Variants in CD1B observed in about 807,000 individuals in gnomAD.
CD1B encodes CD1b molecule.
A neutral mutation model predicts 39.8 loss-of-function variants in CD1B; 43 were observed. That is an observed-to-expected ratio of 1.08 (90% CI 0.85 to 1.39). The LOEUF (loss-of-function observed/expected upper bound fraction) is 1.39, where lower values mean the gene tolerates loss of function less well. CD1B is among the 40% of genes most tolerant of loss of function. The pLI is 0.00. For missense variants in CD1B, 495 were observed against 403.8 expected (o/e 1.23, Z -1.94); for synonymous variants, 192 against 152.5 (o/e 1.26, Z -1.91).
chr1:158,291,072 C>A, the CD1B span: 1 of 1,524,838 alleles, frequency 6.6e-7, no homozygotes, highest in African/African-American at 1.4e-5. Context: ...ATTTTCTCTC[C>A]ATTTTCCTTG....
At chr1:158,291,430 T>G in the CD1B span, 1 of 1,602,340 alleles carries the variant, frequency 6.2e-7, no homozygotes, top group East Asian at 2.2e-5. Context: ...TTATGGGAGT[T>G]CTTTAGAATG....
chr1:158,331,393 C>G lies in CD1B; in HGVS notation c.31G>C (p.Val11Leu), dbSNP rs752184874. 25 of 1,613,942 alleles carry G rather than the reference C, an allele frequency of 1.5e-5. No homozygotes were observed. Among genetic ancestry groups the G allele is most frequent in the Non-Finnish European group, 1.9e-5 (23 of 1,179,950 alleles). Residue 11 changes from valine (V) to leucine (L), a missense_variant, in exon 1 of 6, where the codon GTT becomes CTT. Val to Leu is a conservative substitution (Grantham distance 32, BLOSUM62 1). Transcript: ENST00000368168. MLLLPFQLLA[V>L]LFPGGNSEHA... The stretch of plus-strand genomic sequence containing the variant: ...TCACTGTTACCACCAGGAAAGAGAA[C>G]AGCTAACAGTTGAAATGGCAGCAGC...
chr1:158,322,243 T>C, the CD1B span, among the ~76,000 whole-genome samples: 1 of 152,148 alleles, frequency 6.6e-6, no homozygotes. Flanking sequence ...CCTACATTTA[T>C]TCATTTATTT....
At position 158,330,120 on chromosome 1, in the gene CD1B, C is replaced by T; in HGVS notation, c.339G>A (p.Glu113=). Residue 113 remains glutamate, a synonymous_variant, in exon 3 of 6, where the codon GAG becomes GAA. Coordinates refer to ENST00000368168, the MANE Select transcript of CD1B (RefSeq NM_001764.3). ...AGDFQMKYPF[E]IQGIAGCELH... ...GCTCACAGCCTGCTATGCCCTGGAT[C>T]TCAAAGGGGTCTATGTAGAGGGAAA... is the stretch of plus-strand genomic sequence containing the variant. The T allele has an allele frequency of 6.2e-7, 1 of 1,612,548 alleles. No individual in the cohort carries two copies. Among genetic ancestry groups the T allele is most frequent in the African/African-American group, 1.3e-5 (1 of 74,830 alleles).
chr1:158,320,441 C>A, the CD1B span, among the ~76,000 whole-genome samples: 4 of 152,188 alleles, frequency 2.6e-5, no homozygotes, highest in African/African-American at 7.2e-5. Context: ...TCCGTCACCC[C>A]TTTCTTTGAC....
the CD1B span, among the ~76,000 whole-genome samples, chr1:158,306,497 C>T: frequency 6.6e-5 from 10 of 152,270 alleles, no homozygotes; most frequent in Admixed American, 1.3e-4. Flanking sequence ...TTTAACACCC[C>T]ACTGTCAACA....
chr1:158,296,006 TA>T, the CD1B span, among the ~76,000 whole-genome samples: 1 of 152,206 alleles, frequency 6.6e-6, no homozygotes, highest in East Asian at 1.9e-4. Flanking sequence ...CCTGCCACAC[TA>T]CCATCCCTGG....
At chr1:158,295,198 A>G in the CD1B span, among the ~76,000 whole-genome samples, 3 of 152,140 alleles carry the variant, frequency 2.0e-5, no homozygotes, top group African/African-American at 7.2e-5. Context: ...AGACAAGACC[A>G]TCAAGAAGAG....
At chr1:158,322,312 C>A in the CD1B span, among the ~76,000 whole-genome samples, 18 of 152,172 alleles carry the variant, frequency 1.2e-4, no homozygotes, top group African/African-American at 4.3e-4. Context: ...TCTTGGCTCA[C>A]TGCAACCTCT....
the CD1B span, among the ~76,000 whole-genome samples, chr1:158,301,273 A>G: frequency 6.6e-6 from 1 of 151,922 alleles, no homozygotes. Flanking sequence ...TTTAATTGTC[A>G]TATTTAGCTC....
chr1:158,318,897 G>A, the CD1B span, among the ~76,000 whole-genome samples: 1 of 152,118 alleles, frequency 6.6e-6, no homozygotes, highest in African/African-American at 2.4e-5. Context: ...TGTCTGTAAG[G>A]TATTTTATTT....
At chr1:158,304,108 C>A in the CD1B span, among the ~76,000 whole-genome samples, 1 of 152,038 alleles carries the variant, frequency 6.6e-6, no homozygotes, top group Non-Finnish European at 1.5e-5. Flanking sequence ...ACAGTGGGTG[C>A]AGTTCACCCA....
the CD1B span, among the ~76,000 whole-genome samples, chr1:158,317,917 T>G: frequency 6.6e-6 from 1 of 152,246 alleles, no homozygotes; most frequent in Non-Finnish European, 1.5e-5. Context: ...CATTTCATTA[T>G]GTACCCAGTA....
chr1:158,328,361 T>C, intron 5 of CD1B, 104 bp from the exon 6 acceptor site: 3 of 834,836 alleles, frequency 3.6e-6, no homozygotes, highest in Non-Finnish European at 3.9e-6. Flanking sequence ...GCAACCCAAG[T>C]GTCCATAGAT....
At chr1:158,319,164 G>A in the CD1B span, among the ~76,000 whole-genome samples, 2 of 151,254 alleles carry the variant, frequency 1.3e-5, no homozygotes, top group African/African-American at 4.9e-5. Flanking sequence ...TTCTCGAGGA[G>A]TATCTTTGTG....
the CD1B span, chr1:158,292,129 G>A: frequency 2.7e-5 from 43 of 1,614,112 alleles, no homozygotes; most frequent in Non-Finnish European, 3.6e-5. Flanking sequence ...CTGCATTCTG[G>A]AAAGAGCCCA....
chr1:158,324,010 G>A (rs554746007), downstream of CD1B, among the ~76,000 whole-genome samples: 7 of 152,308 alleles, frequency 4.6e-5, no homozygotes, highest in East Asian at 1.3e-3. Context: ...GTATCCTTGT[G>A]TGAGCAGTAA....
At chr1:158,298,296 G>A in the CD1B span, among the ~76,000 whole-genome samples, 3 of 152,070 alleles carry the variant, frequency 2.0e-5, no homozygotes, top group Non-Finnish European at 2.9e-5. Context: ...CAATAATGGT[G>A]GTAGACTTCA....
At chr1:158,290,095 CT>C in the CD1B span, 1 of 1,613,804 alleles carries the variant, frequency 6.2e-7, no homozygotes, top group African/African-American at 1.3e-5. Flanking sequence ...GCTGCTAGCT[CT>C]TCTTCTCCCA....
Sources: allele counts gnomAD v4.1 joint callset (sites outside exome capture counted in the v4.1 genomes callset), GRCh38; gene constraint gnomAD v4.1.1; transcripts MANE v1.5; gene names NCBI Gene and HGNC (gene_info 2026-07-23, HGNC 2026-07-21).